The following GSE1 variants were observed in gnomAD, a reference collection of about 807,000 sequenced individuals.
GSE1 encodes the protein genetic suppressor element 1.
GSE1 carries 32 observed loss-of-function variants against 112.6 expected under a neutral mutation model. The ratio of observed to expected loss-of-function variants is 0.28; its 90% CI spans 0.21 to 0.38. GSE1 has a LOEUF of 0.38. Among genes scored for constraint, GSE1 ranks in the 10% least tolerant of loss-of-function variants. The pLI is 1.00. For synonymous variants in GSE1, 1,115 were observed against 735.6 expected, an observed-to-expected ratio of 1.52 and a Z score of -8.35; for missense variants, 2,348 against 1,699.2, an observed-to-expected ratio of 1.38 and a Z score of -6.71.
At chr16:85,188,090 G>A (rs1000794525) in intron 1 of GSE1, among the ~76,000 whole-genome samples, 1 of 152,234 alleles carries the variant, frequency 6.6e-6, no homozygotes, top group Admixed American at 6.5e-5. Context: ...TGTCATCCAA[G>A]GGGAGGCAGG....
At chr16:85,651,596 G>A (rs867662940) in intron 3 of GSE1, among the ~76,000 whole-genome samples, 2 of 152,310 alleles carry the variant, frequency 1.3e-5, no homozygotes, top group East Asian at 1.9e-4. Context: ...CCCACGGCGC[G>A]GGCAGCATGC....
chr16:85,627,804 G>A (rs1445250666), intron 1 of GSE1, among the ~76,000 whole-genome samples: 2 of 152,240 alleles, frequency 1.3e-5, no homozygotes, highest in Non-Finnish European at 2.9e-5. Context: ...GAGCGCAGAA[G>A]TTAATAAATA....
At chr16:85,502,872 G>T (rs1375285275) in intron 2 of GSE1, among the ~76,000 whole-genome samples, 2 of 152,232 alleles carry the variant, frequency 1.3e-5, no homozygotes, top group South Asian at 4.1e-4. Flanking sequence ...AAGCAGGGGG[G>T]TGAAAAAGAG....
intron 2 of GSE1, among the ~76,000 whole-genome samples, chr16:85,540,370 C>T (rs75765063): frequency 0.055 from 8,394 of 152,244 alleles, 267 homozygotes; most frequent in South Asian, 0.11. Context: ...TTCACTCACA[C>T]GGAATAGGTA....
At chr16:85,395,959 C>T (rs2047955994) in intron 2 of GSE1, among the ~76,000 whole-genome samples, 2 of 152,242 alleles carry the variant, frequency 1.3e-5, no homozygotes, top group African/African-American at 4.8e-5. Context: ...ACAGCCCTGT[C>T]CCCCGGCTGG....
rs1268876524 is a variant in GSE1, at chr16:85,240,403, GA to G, written c.2283+68597del. Among the ~76,000 whole-genome samples the G allele has an allele frequency of 2.0e-5, 3 of 152,350 alleles. No homozygotes were observed. In the East Asian group the frequency reaches 5.8e-4, roughly 29 times the overall value. ...GGTAGACCAGACCCCCACCAAGGGG[GA>G]GGGGGGTGGAGTGTCAGCATCCGGC... On this transcript the variant is annotated intron_variant, in intron 1 of 2. Transcript: ENST00000637419.
chr16:85,543,906 C>T (rs1204261308), intron 2 of GSE1, among the ~76,000 whole-genome samples: 1 of 152,216 alleles, frequency 6.6e-6, no homozygotes, highest in Non-Finnish European at 1.5e-5. Context: ...GGCATGATCT[C>T]AGCTCACTGC....
chr16:85,402,169 G>A (rs763395296), intron 2 of GSE1, among the ~76,000 whole-genome samples: 1 of 152,226 alleles, frequency 6.6e-6, no homozygotes, highest in Non-Finnish European at 1.5e-5. Context: ...GGTGCCCTGC[G>A]ATGTCTGGGC....
chr16:85,614,171 C>T (rs531000847), intron 1 of GSE1, among the ~76,000 whole-genome samples: 61 of 152,000 alleles, frequency 4.0e-4, no homozygotes, highest in African/African-American at 1.4e-3. Context: ...CCGCACTGGC[C>T]TTTTTCCCTC....
chr16:85,471,964 C>T (rs111418530), intron 2 of GSE1, among the ~76,000 whole-genome samples: 9,738 of 152,312 alleles, frequency 0.064, 412 homozygotes, highest in Non-Finnish European at 0.099. Context: ...CACCTTAAGG[C>T]ACCGTAAGAC....
At chr16:85,468,114 G>A (rs1282650407) in intron 2 of GSE1, among the ~76,000 whole-genome samples, 4 of 152,116 alleles carry the variant, frequency 2.6e-5, no homozygotes, top group African/African-American at 7.2e-5. Context: ...CAGAGGTCCC[G>A]ATGGGAGATG....
At chr16:85,433,145 G>A (rs957327840) in intron 2 of GSE1, among the ~76,000 whole-genome samples, 1 of 151,952 alleles carries the variant, frequency 6.6e-6, no homozygotes, top group African/African-American at 2.4e-5. Flanking sequence ...TTCAACAGAG[G>A]GCCTCGAGCT....
rs190843789 is a variant in GSE1, at chr16:85,502,897, A to G, written c.2465-131017A>G. ...GTGAAAAAGAGCTGCCTGTTCCAGG[A>G]GGCCAGGGCTGGGTGCCCACGGAAG... On this transcript the variant is annotated intron_variant, in intron 2 of 2. Coordinates refer to the GSE1 transcript ENST00000637419. 3.0e-3 allele frequency among the ~76,000 whole-genome samples: 461 copies of G among 152,334 alleles called. 2 individuals carry two copies. Among genetic ancestry groups the G allele is most frequent in the African/African-American group, 0.01 (430 of 41,580 alleles).
intron 2 of GSE1, among the ~76,000 whole-genome samples, chr16:85,647,861 A>C (rs1182238421): frequency 4.6e-5 from 7 of 152,142 alleles, no homozygotes. Context: ...CTGGGATTAC[A>C]GGCGGGAGCC....
intron 2 of GSE1, among the ~76,000 whole-genome samples, chr16:85,540,325 C>T (rs1012156831): frequency 2.6e-5 from 4 of 152,318 alleles, no homozygotes; most frequent in Middle Eastern, 6.8e-3. Context: ...TTCCACCCTG[C>T]CTGTCCTTTC....
intron 1 of GSE1, among the ~76,000 whole-genome samples, chr16:85,277,253 T>C (rs1909459235): frequency 6.6e-6 from 1 of 152,124 alleles, no homozygotes. Flanking sequence ...GATTTCCTTC[T>C]GGGGTTCTGG....
chr16:85,574,975 GC>G (rs1324038326), intron 1 of GSE1, among the ~76,000 whole-genome samples: 5 of 152,206 alleles, frequency 3.3e-5, no homozygotes, highest in African/African-American at 1.2e-4. Flanking sequence ...AGGCCGGGCA[GC>G]CCCCTTGCCC....
intron 1 of GSE1, among the ~76,000 whole-genome samples, chr16:85,305,398 C>T (rs1208334340): frequency 6.6e-6 from 1 of 152,210 alleles, no homozygotes; most frequent in Non-Finnish European, 1.5e-5. Flanking sequence ...GATCCCCCTG[C>T]CTTAGCCTCC....
intron 1 of GSE1, among the ~76,000 whole-genome samples, chr16:85,196,699 G>A (rs1397328277): frequency 1.3e-5 from 2 of 152,088 alleles, no homozygotes; most frequent in South Asian, 2.1e-4. Context: ...TTAATCCAGC[G>A]ACATGCTATC....
Sources: gnomAD v4.1 joint callset for allele counts (sites outside exome capture counted in the v4.1 genomes callset) on GRCh38, gnomAD v4.1.1 for gene constraint, MANE v1.5 for transcripts, NCBI Gene and HGNC (gene_info 2026-07-23, HGNC 2026-07-21) for gene names.